Variants in COL23A1 observed in about 807,000 individuals in gnomAD.
COL23A1 encodes collagen type XXIII alpha 1 chain, also known as collagen alpha-1(XXIII) chain.
A neutral mutation model predicts 99.3 loss-of-function variants in COL23A1; 97 were observed. The ratio of observed to expected loss-of-function variants is 0.98; its 90% CI spans 0.83 to 1.16. COL23A1 has a LOEUF of 1.16. Ranked by LOEUF, COL23A1 falls within the 50% of genes most tolerant of loss-of-function variation. COL23A1 has a pLI of 0.00. For missense variants in COL23A1, 762 were observed against 757.4 expected (o/e 1.01, Z -0.07); for synonymous variants, 320 against 308.2 (o/e 1.04, Z -0.40).
intron 2 of COL23A1, among the ~76,000 whole-genome samples, chr5:178,358,213 AT>A (rs1761872403): frequency 1.0e-5 from 1 of 100,004 alleles, no homozygotes. Flanking sequence ...GTACGTGTGT[AT>A]GTGTGTCTAA....
chr5:178,323,928 A>G (rs2913785), intron 2 of COL23A1, among the ~76,000 whole-genome samples: 64,660 of 152,096 alleles, frequency 0.43, 14,559 homozygotes, highest in African/African-American at 0.57. Context: ...AACAGCTGGT[A>G]TGTGGCAGAG....
rs377286271 is a variant in COL23A1, at chr5:178,249,123, G to A, written c.1143C>T (p.Gly381=). The change falls in exon 19 of 29, where the codon GGC becomes GGT. Residue 381 remains glycine (G), a synonymous_variant. Coordinates refer to ENST00000390654, the MANE Select transcript of COL23A1 (RefSeq NM_173465.4). ...KGEAGEMGLS[G]LPGADGLKGE... ...GCCCAACCCAGCCACATACCGGGAG[G>A]CCGGACAAGCCCATCTCGCCTGCTT... 2.9e-5 allele frequency: 46 copies of A among 1,614,006 alleles called. No individual in the cohort carries two copies. The highest frequency in any genetic ancestry group is 3.7e-5 in the Non-Finnish European group (44 of 1,180,014).
chr5:178,246,306 C>T lies in COL23A1; in HGVS notation c.1361G>A (p.Gly454Glu), dbSNP rs1374139365. 1 of 1,556,568 alleles carries T rather than the reference C, an allele frequency of 6.4e-7. No homozygotes were observed. Among genetic ancestry groups the T allele is most frequent in the Non-Finnish European group, 8.7e-7 (1 of 1,149,274 alleles). ...AATAAGGCCCGGTGGGCCAACTGGC[C>T]CCTGGATAGAAAAGGAATGAGTCAA... ...SGERGPSGLP[G>E]PVGPPGLIGL... The change falls in exon 24 of 29, where the codon GGG (glycine) becomes GAG (glutamate). Residue 454 changes from glycine (G) to glutamate (E), a missense_variant and splice_region_variant. Gly to Glu is a moderately conservative substitution (Grantham distance 98, BLOSUM62 -2). Transcript: ENST00000390654.
At chr5:178,277,508 T>C (rs557742236) in intron 5 of COL23A1, among the ~76,000 whole-genome samples, 60 of 152,388 alleles carry the variant, frequency 3.9e-4, no homozygotes, top group African/African-American at 1.4e-3. Context: ...GGCTCCACCC[T>C]TCCCTGTGGT....
At chr5:178,373,127 A>C (rs1762889035) in intron 2 of COL23A1, among the ~76,000 whole-genome samples, 1 of 152,152 alleles carries the variant, frequency 6.6e-6, no homozygotes, top group Non-Finnish European at 1.5e-5. Flanking sequence ...AACCCTTGGT[A>C]AAAAGCACAG....
intron 2 of COL23A1, among the ~76,000 whole-genome samples, chr5:178,399,368 G>A (rs565995992): frequency 6.6e-6 from 1 of 152,352 alleles, no homozygotes; most frequent in Admixed American, 6.5e-5. Flanking sequence ...GATCCTGCCA[G>A]CACTCACTAG....
At chr5:178,532,769 G>A (rs520892) in intron 2 of COL23A1, among the ~76,000 whole-genome samples, 77,226 of 152,016 alleles carry the variant, frequency 0.51, 19,987 homozygotes, top group Non-Finnish European at 0.57. Flanking sequence ...ATAGGGCCCC[G>A]GTGATGGGAT....
At chr5:178,369,248 A>C (rs748680796) in intron 2 of COL23A1, among the ~76,000 whole-genome samples, 1 of 151,614 alleles carries the variant, frequency 6.6e-6, no homozygotes, top group Non-Finnish European at 1.5e-5. Flanking sequence ...AAACACCTTG[A>C]CCCCTGGAGA....
intron 3 of COL23A1, 66 bp from the exon 4 acceptor site, chr5:178,290,435 C>T (rs1757393341): frequency 6.2e-7 from 1 of 1,609,744 alleles, no homozygotes; most frequent in Middle Eastern, 1.7e-4. Context: ...CTGTCCTCAG[C>T]ACGGTCCCCT....
chr5:178,451,149 A>G (rs1286664654), intron 2 of COL23A1, among the ~76,000 whole-genome samples: 1 of 152,224 alleles, frequency 6.6e-6, no homozygotes, highest in African/African-American at 2.4e-5. Flanking sequence ...CTTTAAATCT[A>G]TCGAACAATT....
At chr5:178,480,864 G>C (rs934806993) in intron 2 of COL23A1, among the ~76,000 whole-genome samples, 28 of 152,104 alleles carry the variant, frequency 1.8e-4, no homozygotes, top group African/African-American at 6.5e-4. Context: ...AATGTGGGCT[G>C]GGCTGGCACG....
chr5:178,261,925 C>T (rs1765646474), intron 10 of COL23A1, among the ~76,000 whole-genome samples, 177 bp from the exon 11 acceptor site: 1 of 152,234 alleles, frequency 6.6e-6, no homozygotes, highest in African/African-American at 2.4e-5. Flanking sequence ...AAGCCTGGGA[C>T]AGCTTCTGCA....
In COL23A1 at chr5:178,280,701, C is replaced by T. The variant is rs116463509; in HGVS notation, c.441+7623G>A. On this transcript the variant is annotated intron_variant, in intron 5 of 28. Coordinates refer to ENST00000390654, the MANE Select transcript of COL23A1 (RefSeq NM_173465.4). This position sits in a 1 kb window ranked among gnomAD's most constrained non-coding sequence, Gnocchi z 4.9. ...GGGAGGCGGTTCCAGCCAGTGACCA[C>T]GCTGCAAACATATCACAGGCAAAAC... Among the ~76,000 whole-genome samples the T allele has an allele frequency of 2.1e-3, 327 of 152,226 alleles. 3 individuals carry two copies. The highest frequency in any genetic ancestry group is 7.5e-3 in the African/African-American group (311 of 41,528).
intron 5 of COL23A1, among the ~76,000 whole-genome samples, chr5:178,286,225 T>A (rs1237606433): frequency 6.6e-6 from 1 of 152,094 alleles, no homozygotes; most frequent in Admixed American, 6.5e-5. Context: ...TGCTCAGGCC[T>A]CCCAGTGACT....
intron 2 of COL23A1, among the ~76,000 whole-genome samples, chr5:178,389,267 T>C (rs1763834977): frequency 6.6e-6 from 1 of 152,156 alleles, no homozygotes; most frequent in South Asian, 2.1e-4. Flanking sequence ...CCAATGCCCC[T>C]TTCAACACAG....
chr5:178,445,599 T>G (rs961527057), intron 2 of COL23A1, among the ~76,000 whole-genome samples: 2 of 152,182 alleles, frequency 1.3e-5, no homozygotes, highest in African/African-American at 2.4e-5. Flanking sequence ...TTCTATGACA[T>G]CACCACTTTG....
chr5:178,267,232 G>T (rs1755951880), intron 8 of COL23A1, 75 bp downstream of exon 8: 24 of 1,498,352 alleles, frequency 1.6e-5, no homozygotes, highest in Non-Finnish European at 2.1e-5. Context: ...GGACCCAGAA[G>T]CAGCGCCAGT....
intron 1 of COL23A1, among the ~76,000 whole-genome samples, chr5:178,582,002 C>T (rs1396183278): frequency 6.6e-6 from 1 of 151,968 alleles, no homozygotes; most frequent in African/African-American, 2.4e-5. Flanking sequence ...TAACATTCAT[C>T]ATGCTAAATC....
intron 2 of COL23A1, among the ~76,000 whole-genome samples, chr5:178,486,299 C>T (rs559672939): frequency 2.0e-5 from 3 of 152,270 alleles, no homozygotes; most frequent in South Asian, 4.1e-4. Flanking sequence ...GGCCCCTCAC[C>T]GGGATGAGCA....
Sources: allele counts gnomAD v4.1 joint callset (sites outside exome capture counted in the v4.1 genomes callset), GRCh38; gene constraint gnomAD v4.1.1; non-coding constraint Gnocchi (gnomAD v3.1); transcripts MANE v1.5; gene names NCBI Gene and HGNC (gene_info 2026-07-23, HGNC 2026-07-21).